The following SLC38A7 variants were observed in gnomAD, a reference collection of about 807,000 sequenced individuals.
SLC38A7 encodes the protein solute carrier family 38 member 7.
Under a neutral mutation model 50.1 loss-of-function variants are expected in SLC38A7, and 29 were observed. The observed-to-expected ratio is 0.58, with a 90% CI of 0.43 to 0.79. SLC38A7 has a LOEUF of 0.79. Among genes scored for constraint, SLC38A7 ranks in the 30% least tolerant of loss-of-function variants. The probability of loss-of-function intolerance (pLI) is 0.00; values close to 1 mark genes in which losing one functional copy is unlikely to be tolerated. For missense variants in SLC38A7, 483 were observed against 610.6 expected (o/e 0.79, Z 2.20); for synonymous variants, 244 against 245.9 (o/e 0.99, Z 0.07).
chr16:58,671,165 C>A lies in SLC38A7; in HGVS notation c.1111G>T (p.Val371Leu), dbSNP rs1177422700. Reference sequence around the variant, plus strand: ...AGGAACCAGACCAGCGTCTGCAGCACTCGCCGCCGCCGCTCCCGCCCCACG... The same window carrying A: ...AGGAACCAGACCAGCGTCTGCAGCAATCGCCGCCGCCGCTCCCGCCCCACG... ...EDVGRERRRRVLQTLVWFLLT... is the reference protein window; with the variant it reads ...EDVGRERRRRLLQTLVWFLLT... Residue 371 changes from valine (V) to leucine (L), a missense_variant, in exon 10 of 12, where the codon GTG becomes TTG. By Grantham distance (32) the Val-to-Leu change is conservative. Coordinates refer to ENST00000219320, the MANE Select transcript of SLC38A7 (RefSeq NM_018231.3). 1.2e-6 allele frequency: 2 copies of A among 1,613,718 alleles called. No homozygotes were observed. Among genetic ancestry groups the A allele is most frequent in the African/African-American group, 2.7e-5 (2 of 74,914 alleles).
intron 9 of SLC38A7, 41 bp from the exon 10 acceptor site, chr16:58,671,285 A>G: frequency 6.3e-7 from 1 of 1,592,836 alleles, no homozygotes; most frequent in Non-Finnish European, 8.6e-7. Flanking sequence ...CCCTGCTGCT[A>G]GCAGCTCCCC....
At chr16:58,680,501 G>C (rs1004674523) in intron 2 of SLC38A7, among the ~76,000 whole-genome samples, 1 of 152,204 alleles carries the variant, frequency 6.6e-6, no homozygotes, top group Non-Finnish European at 1.5e-5. Flanking sequence ...ATCAGCACTC[G>C]ATAGAGGCCC....
At position 58,672,023 on chromosome 16, in the gene SLC38A7, A is replaced by C. The variant is rs910683141; in HGVS notation, c.1031+73T>G. The C allele has an allele frequency of 2.0e-5, 28 of 1,387,024 alleles. No individual in the cohort carries two copies. The African/African-American group carries it at 4.5e-4, about 22-fold the overall frequency. 85.9% of individuals were successfully genotyped at this position (1,387,024 alleles called of 1,614,324 possible). A position where few individuals can be genotyped will look rare whatever the true frequency, so the allele number is the denominator to read the frequency against. On this transcript the variant is annotated intron_variant, in intron 9 of 11. Transcript: ENST00000219320. ...TCTCCTTCTACAGGATGGGGTCCAC[A>C]CAAGGCCAAAGGACCATGTTGGAAG...
chr16:58,679,022 G>C (rs1473984058), intron 3 of SLC38A7, 128 bp from the exon 4 acceptor site: 4 of 854,828 alleles, frequency 4.7e-6, no homozygotes, highest in Non-Finnish European at 5.4e-6. Context: ...GCAATTTTAA[G>C]AGACTGCTAG....
chr16:58,665,239 G>A lies in SLC38A7; in HGVS notation c.*2146C>T, dbSNP rs1394568191. On this transcript the variant is annotated 3_prime_UTR_variant, in exon 12 of 12. Coordinates refer to ENST00000219320, the MANE Select transcript of SLC38A7 (RefSeq NM_018231.3). ...GAGGGGGCTCCTGAGGTTAGGACAA[G>A]AGGCCAGATTCCAGCTCCTTCTCCT... 1 of 152,374 alleles carries A rather than the reference G, an allele frequency of 6.6e-6. No homozygotes were observed. Among genetic ancestry groups the A allele is most frequent in the Non-Finnish European group, 1.5e-5 (1 of 68,170 alleles). The allele number at this position is 152,374 out of a possible 1,614,324, so 9.4% of individuals were successfully genotyped here.
chr16:58,679,040 C>A, intron 3 of SLC38A7, 146 bp from the exon 4 acceptor site: 1 of 777,238 alleles, frequency 1.3e-6, no homozygotes, highest in South Asian at 1.8e-5. Flanking sequence ...TAGAGGATGC[C>A]GAGTTGAGAT....
Position 58,665,214 on chromosome 16 carries a change from G to T in SLC38A7, c.*2171C>A. On this transcript the variant is annotated 3_prime_UTR_variant, in exon 12 of 12. Coordinates refer to ENST00000219320, the MANE Select transcript of SLC38A7 (RefSeq NM_018231.3). ...GATAGGGAGGGTGGGGAGAGGATGG[G>T]AGGGGGCTCCTGAGGTTAGGACAAG... 6.6e-6 allele frequency: 1 copy of T among 152,440 alleles called. No homozygotes were observed. The allele number at this position is 152,440 out of a possible 1,614,324, so 9.4% of individuals were successfully genotyped here.
intron 9 of SLC38A7, 169 bp downstream of exon 9, chr16:58,671,927 G>A (rs757198349): frequency 2.0e-5 from 14 of 691,032 alleles, no homozygotes; most frequent in African/African-American, 9.2e-5. Flanking sequence ...GACAAAGGGC[G>A]CTTCTGACAC....
In SLC38A7 at chr16:58,678,824, G is replaced by A; in HGVS notation, c.341C>T (p.Thr114Ile). ...AYCSQASNER[T>I]YQEVVWAVCG... Reference sequence around the variant, plus strand: ...CACAGCCCATACCACCTCCTGGTAGGTCCTCTCATTGCTGGCCTGGGAGCA... The same window carrying A: ...CACAGCCCATACCACCTCCTGGTAGATCCTCTCATTGCTGGCCTGGGAGCA... The change falls in exon 4 of 12, where the codon ACC becomes ATC. Residue 114 changes from threonine to isoleucine, a missense_variant. Thr to Ile is a moderately conservative substitution (Grantham distance 89, BLOSUM62 -1). Transcript: ENST00000219320. This position sits in a 1 kb window ranked among gnomAD's most constrained non-coding sequence, Gnocchi z 4.0. 2 of 1,614,160 alleles carry A rather than the reference G, an allele frequency of 1.2e-6. No individual in the cohort carries two copies. The highest frequency in any genetic ancestry group is 1.7e-6 in the Non-Finnish European group (2 of 1,180,026).
chr16:58,673,727 C>T (rs372120673), intron 8 of SLC38A7, among the ~76,000 whole-genome samples: 2 of 145,012 alleles, frequency 1.4e-5, no homozygotes, highest in African/African-American at 5.1e-5. Flanking sequence ...TGAAGTGGTA[C>T]AATCATAGTT....
intron 11 of SLC38A7, 107 bp downstream of exon 11, chr16:58,670,006 T>G: frequency 1.0e-6 from 1 of 955,896 alleles, no homozygotes; most frequent in Non-Finnish European, 1.5e-6. Context: ...AAACCCATGA[T>G]TTCTAAGTAC....
At chr16:58,682,927 A>G (rs1399187235) in intron 2 of SLC38A7, among the ~76,000 whole-genome samples, 2 of 148,816 alleles carry the variant, frequency 1.3e-5, no homozygotes, top group African/African-American at 2.5e-5. Context: ...CGCCTGGCCA[A>G]CTTTTTAAAT....
chr16:58,667,723 AT>A (rs1241655064), intron 11 of SLC38A7, among the ~76,000 whole-genome samples: 1 of 152,146 alleles, frequency 6.6e-6, no homozygotes, highest in Non-Finnish European at 1.5e-5. Flanking sequence ...TCATGCCACG[AT>A]TCGAATGTAG....
intron 3 of SLC38A7, among the ~76,000 whole-genome samples, chr16:58,679,132 C>T (rs2044332045): frequency 6.6e-6 from 1 of 152,248 alleles, no homozygotes; most frequent in Admixed American, 6.5e-5. Context: ...TGGCTCATGC[C>T]TGTAATCCCA....
At chr16:58,669,198 C>T (rs1964393480) in intron 11 of SLC38A7, among the ~76,000 whole-genome samples, 1 of 145,966 alleles carries the variant, frequency 6.9e-6, no homozygotes, top group Non-Finnish European at 1.5e-5. Flanking sequence ...TCACTGCAAC[C>T]TCCGCCTCCT....
At chr16:58,679,687 A>T in intron 3 of SLC38A7, 170 bp downstream of exon 3, 1 of 838,244 alleles carries the variant, frequency 1.2e-6, no homozygotes, top group Non-Finnish European at 1.8e-6. Context: ...CTGAAGCCTC[A>T]TTTGGGTCAC....
At chr16:58,677,483 C>T (rs1255828036) in intron 5 of SLC38A7, 59 bp from the exon 6 acceptor site, 14 of 1,461,474 alleles carry the variant, frequency 9.6e-6, no homozygotes, top group Non-Finnish European at 1.3e-5. Flanking sequence ...CTGATTCCAC[C>T]CCTAGGGACA....
At position 58,679,936 on chromosome 16, in the gene SLC38A7, C is replaced by T. The variant is rs779040411; in HGVS notation, c.191G>A (p.Cys64Tyr). 1 of 1,612,016 alleles carries T rather than the reference C, an allele frequency of 6.2e-7. No homozygotes were observed. The highest frequency in any genetic ancestry group is 1.7e-5 in the Admixed American group (1 of 59,866). ...LGAIFIVVNA[C>Y]LGAGLLNFPA... ...GAAGTTGAGTAACCCTGCACCCAGG[C>T]ACGCGTTGACGACGATGAAGATGGC... The change falls in exon 3 of 12, where the codon TGC becomes TAC. Residue 64 changes from cysteine to tyrosine, a missense_variant. Physicochemically the swap from Cys to Tyr is radical, Grantham distance 194 (BLOSUM62 -2). Coordinates refer to ENST00000219320, the MANE Select transcript of SLC38A7 (RefSeq NM_018231.3).
In SLC38A7 at chr16:58,667,093, C is replaced by A; in HGVS notation, c.*292G>T. The A allele has an allele frequency of 4.0e-6, 2 of 500,532 alleles. No homozygotes were observed. Among genetic ancestry groups the A allele is most frequent in the African/African-American group, 3.9e-5 (2 of 51,830 alleles). 31.0% of individuals were successfully genotyped at this position (500,532 alleles called of 1,614,324 possible). A position where few individuals can be genotyped will look rare whatever the true frequency, so the allele number is the denominator to read the frequency against. On this transcript the variant is annotated 3_prime_UTR_variant, in exon 12 of 12. Coordinates refer to ENST00000219320, the MANE Select transcript of SLC38A7 (RefSeq NM_018231.3). ...TATGAGATCTACCGACTCTCTTCACCCGTGGATTCCAGGCATGGAGAAGTT... is the reference window on the plus strand; with the variant it reads ...TATGAGATCTACCGACTCTCTTCACACGTGGATTCCAGGCATGGAGAAGTT...
Sources: allele counts gnomAD v4.1 joint callset (sites outside exome capture counted in the v4.1 genomes callset), GRCh38; gene constraint gnomAD v4.1.1; non-coding constraint Gnocchi (gnomAD v3.1); transcripts MANE v1.5; gene names NCBI Gene and HGNC (gene_info 2026-07-23, HGNC 2026-07-21).